SATB2: variants seen among roughly 807,000 people sequenced by gnomAD.
SATB2 encodes the protein DNA-binding protein SATB2.
Under a neutral mutation model 73.4 loss-of-function variants are expected in SATB2, and 1 was observed. The observed-to-expected ratio is 0.01, with a 90% CI of 0.00 to 0.06. The LOEUF (loss-of-function observed/expected upper bound fraction) is 0.06, where lower values mean the gene tolerates loss of function less well. SATB2 is among the 10% of genes least tolerant of loss of function. The pLI, the probability that SATB2 is intolerant of heterozygous loss-of-function variation, is 1.00. For synonymous variants in SATB2, 397 were observed against 367.0 expected (o/e 1.08, Z -0.93); for missense variants, 459 against 945.8 (o/e 0.49, Z 6.75).
At chr2:199,355,343 T>TATCTATA (rs1688946033) in intron 6 of SATB2, among the ~76,000 whole-genome samples, 1 of 4,422 alleles carries the variant, frequency 2.3e-4, no homozygotes, top group Non-Finnish European at 0.01. Flanking sequence ...TGTGTGTGTG[T>TATCTATA]GTATCTATAT....
At position 199,453,817 on chromosome 2, in the gene SATB2, CT is replaced by C. The variant is rs1221297768; in HGVS notation, c.169+2051del. Among the ~76,000 whole-genome samples, 7 of 151,972 alleles carry C rather than the reference CT, an allele frequency of 4.6e-5. No homozygotes were observed. The South Asian group carries it at 8.3e-4, about 18-fold the overall frequency. Reference sequence around the variant, plus strand: ...ATCTCTTTACACACTATTATGCTGTCTTTTTTAAAAAAATTTAAATTCCACT... The same window carrying C: ...ATCTCTTTACACACTATTATGCTGTCTTTTTAAAAAAATTTAAATTCCACT... On this transcript the variant is annotated intron_variant, in intron 2 of 10. Coordinates refer to ENST00000417098, the MANE Select transcript of SATB2 (RefSeq NM_001172509.2).
intron 6 of SATB2, among the ~76,000 whole-genome samples, chr2:199,365,331 TA>T (rs1453288280): frequency 2.0e-5 from 3 of 152,046 alleles, no homozygotes; most frequent in Non-Finnish European, 4.4e-5. Flanking sequence ...TAAACCAACC[TA>T]CCACCCTACC....
chr2:199,343,641 T>C (rs1320718507), intron 7 of SATB2, among the ~76,000 whole-genome samples: 1 of 152,194 alleles, frequency 6.6e-6, no homozygotes, highest in Non-Finnish European at 1.5e-5. Flanking sequence ...CCATCTACCT[T>C]GATTAGGTTG....
chr2:199,424,778 A>G (rs1277987005), intron 3 of SATB2, among the ~76,000 whole-genome samples: 3 of 152,214 alleles, frequency 2.0e-5, no homozygotes, highest in Non-Finnish European at 1.5e-5. Context: ...TATGGCCAAG[A>G]CTTTTTTACT....
intron 3 of SATB2, among the ~76,000 whole-genome samples, chr2:199,387,648 A>T (rs1690002504): frequency 6.6e-6 from 1 of 152,218 alleles, no homozygotes; most frequent in African/African-American, 2.4e-5. Flanking sequence ...GTTGAAATTC[A>T]TACAAATGTT....
chr2:199,335,231 GAC>G (rs1257807736), intron 7 of SATB2, among the ~76,000 whole-genome samples: 3 of 152,160 alleles, frequency 2.0e-5, no homozygotes, highest in African/African-American at 7.2e-5. Flanking sequence ...TATTAGGAAA[GAC>G]AGCCTATGCA....
chr2:199,389,545 T>G (rs1350397831), intron 3 of SATB2, among the ~76,000 whole-genome samples: 1 of 152,128 alleles, frequency 6.6e-6, no homozygotes, highest in African/African-American at 2.4e-5. Flanking sequence ...TGATTCAAAA[T>G]AAACACTGAA....
intron 3 of SATB2, among the ~76,000 whole-genome samples, chr2:199,402,128 C>T (rs554477002): frequency 7.9e-5 from 12 of 152,018 alleles, no homozygotes; most frequent in South Asian, 4.2e-4. Flanking sequence ...GGCTCACACC[C>T]GTAATCCCAG....
At chr2:199,414,864 C>G (rs1345536723) in intron 3 of SATB2, among the ~76,000 whole-genome samples, 3 of 152,120 alleles carry the variant, frequency 2.0e-5, no homozygotes, top group Admixed American at 2.0e-4. Context: ...CTTGTCCCTC[C>G]AGGAATGATC....
At chr2:199,351,708 GTAAAATCTTATTTT>G (rs1216367147) in intron 6 of SATB2, among the ~76,000 whole-genome samples, 2 of 151,990 alleles carry the variant, frequency 1.3e-5, no homozygotes, top group African/African-American at 4.8e-5. Flanking sequence ...TGATTCCACA[GTAAAATCTTATTTT>G]ATAGACAGAA....
chr2:199,349,304 G>A, intron 6 of SATB2, 131 bp from the exon 7 acceptor site: 1 of 718,794 alleles, frequency 1.4e-6, no homozygotes, highest in East Asian at 2.7e-5. Context: ...AACGATGGAA[G>A]CTCCAGCATA....
In SATB2 at chr2:199,272,568, G is replaced by C. The variant is rs1692191217; in HGVS notation, c.1845C>G (p.Pro615=). ...CTAAGGAGATCTTTGTGCGAGACCG[G>C]GGCTTTTTGGCACAACTGTCTTCAG... is the stretch of plus-strand genomic sequence containing the variant. ...PPTEDSCAKK[P]RSRTKISLEA... Residue 615 remains proline, a synonymous_variant, in exon 11 of 11, where the codon CCC becomes CCG. Transcript: ENST00000417098. The surrounding 1 kb of genome is among the most constrained non-coding windows in gnomAD (Gnocchi z 6.7). 6.2e-7 allele frequency: 1 copy of C among 1,614,118 alleles called. No individual in the cohort carries two copies. The highest frequency in any genetic ancestry group is 2.2e-5 in the East Asian group (1 of 44,884).
At chr2:199,378,758 A>G (rs1043583559) in intron 5 of SATB2, among the ~76,000 whole-genome samples, 4 of 152,222 alleles carry the variant, frequency 2.6e-5, no homozygotes, top group Non-Finnish European at 4.4e-5. Context: ...CATGCCAGGC[A>G]TTAGGCCAAG....
intron 5 of SATB2, among the ~76,000 whole-genome samples, chr2:199,370,633 C>A (rs1207489932): frequency 6.6e-6 from 1 of 152,056 alleles, no homozygotes; most frequent in Non-Finnish European, 1.5e-5. Context: ...TAATACGAGG[C>A]CACAAGCCCA....
Position 199,291,683 on chromosome 2 carries a change from C to A in SATB2, c.1740+17077G>T, listed in dbSNP as rs1692865884. On this transcript the variant is annotated intron_variant, in intron 10 of 10. Transcript: ENST00000417098. ...ATCCCAGCACTTTGGGAGGCCGAGGCGGGTGGATCACCTGAGGTCAGGAGT... is the reference window on the plus strand; with the variant it reads ...ATCCCAGCACTTTGGGAGGCCGAGGAGGGTGGATCACCTGAGGTCAGGAGT... 1.3e-5 allele frequency among the ~76,000 whole-genome samples: 2 copies of A among 152,082 alleles called. 1 individual carries two copies. The highest frequency in any genetic ancestry group is 4.2e-4 in the South Asian group (2 of 4,816).
At chr2:199,275,261 T>C (rs2105712058) in intron 10 of SATB2, among the ~76,000 whole-genome samples, 1 of 152,346 alleles carries the variant, frequency 6.6e-6, no homozygotes, top group African/African-American at 2.4e-5. Flanking sequence ...TGATTGCATT[T>C]GTTCTTCTCC....
chr2:199,409,390 G>A (rs559972276), intron 3 of SATB2, among the ~76,000 whole-genome samples: 68 of 152,082 alleles, frequency 4.5e-4, no homozygotes, highest in Non-Finnish European at 6.6e-4. Context: ...GGCTGGTCCC[G>A]AACTCCGGAC....
At chr2:199,309,989 C>T (rs1456174686) in intron 9 of SATB2, among the ~76,000 whole-genome samples, 1 of 152,186 alleles carries the variant, frequency 6.6e-6, no homozygotes, top group Non-Finnish European at 1.5e-5. Flanking sequence ...GTTTGTCTAA[C>T]TCTCCACTGT....
chr2:199,340,730 T>C (rs922953708), intron 7 of SATB2, among the ~76,000 whole-genome samples: 12 of 152,326 alleles, frequency 7.9e-5, no homozygotes, highest in Middle Eastern at 6.8e-3. Context: ...GACAGTGGTA[T>C]AGAGAAGATA....
Sources: allele counts gnomAD v4.1 joint callset (sites outside exome capture counted in the v4.1 genomes callset), GRCh38; gene constraint gnomAD v4.1.1; non-coding constraint Gnocchi (gnomAD v3.1); transcripts MANE v1.5; gene names NCBI Gene and HGNC (gene_info 2026-07-23, HGNC 2026-07-21).